The following CLN8 variants were observed in gnomAD, a reference collection of about 807,000 sequenced individuals.
The protein encoded by CLN8 is CLN8 transmembrane ER and ERGIC protein.
A neutral mutation model predicts 15.7 loss-of-function variants in CLN8; 14 were observed. The observed-to-expected ratio is 0.89, with a 90% CI of 0.59 to 1.39. The LOEUF (loss-of-function observed/expected upper bound fraction) is 1.39. Ranked by LOEUF, CLN8 falls within the 40% of genes most tolerant of loss-of-function variation. The probability of loss-of-function intolerance (pLI) is 0.00; values close to 1 mark genes in which losing one functional copy is unlikely to be tolerated. For synonymous variants in CLN8, 188 were observed against 151.0 expected, an observed-to-expected ratio of 1.25 and a Z score of -1.80; for missense variants, 415 against 364.0, an observed-to-expected ratio of 1.14 and a Z score of -1.14.
At chr8:1,773,379 T>C (rs111319364) in intron 2 of CLN8, among the ~76,000 whole-genome samples, 217 of 152,256 alleles carry the variant, frequency 1.4e-3, no homozygotes, top group African/African-American at 5.1e-3. Flanking sequence ...GTGCGTGGTT[T>C]GGGCGGTGGC....
intron 2 of CLN8, among the ~76,000 whole-genome samples, chr8:1,775,681 C>A (rs1045037999): frequency 1.3e-5 from 2 of 152,210 alleles, no homozygotes; most frequent in Admixed American, 1.3e-4. Flanking sequence ...AAAGACTGAG[C>A]TCGCGAGAGT....
upstream of CLN8, chr8:1,758,811 G>C (rs1311370512): frequency 6.6e-6 from 1 of 152,150 alleles, no homozygotes; most frequent in Non-Finnish European, 1.5e-5. Flanking sequence ...TTACGATAAA[G>C]GTTGTGGAGA....
rs888272793 is a variant in CLN8 at position 1,770,964 on chromosome 8, C to T, written c.-91C>T. The T allele has an allele frequency of 2.8e-5, 33 of 1,175,696 alleles. No homozygotes were observed. Among genetic ancestry groups the T allele is most frequent in the Admixed American group, 5.2e-5 (3 of 57,824 alleles). 72.8% of individuals were successfully genotyped at this position (1,175,696 alleles called of 1,614,324 possible). A position where few individuals can be genotyped will look rare whatever the true frequency, so the allele number is the denominator to read the frequency against. On this transcript the variant is annotated 5_prime_UTR_variant, in exon 2 of 3. Coordinates refer to ENST00000331222, the MANE Select transcript of CLN8 (RefSeq NM_018941.4). ...ATGGATACGTGACAATCCCAGGGAC[C>T]GCTGCACTGACTTCATTTCCTTAGA...
At position 1,781,237 on chromosome 8, in the gene CLN8, A is replaced by G. The variant is rs1313432167; in HGVS notation, c.*670A>G. 2.0e-5 allele frequency: 3 copies of G among 152,470 alleles called. No homozygotes were observed. The highest frequency in any genetic ancestry group is 7.3e-5 in the African/African-American group (3 of 41,376). 9.4% of individuals were successfully genotyped at this position (152,470 alleles called of 1,614,324 possible). On this transcript the variant is annotated 3_prime_UTR_variant, in exon 3 of 3. Transcript: ENST00000331222. Reference sequence around the variant, plus strand: ...GCCGGGTGTCGTGGCACACACCTGTAATCCCAGCTATTTGGGAGGCCAAGG... The same window carrying G: ...GCCGGGTGTCGTGGCACACACCTGTGATCCCAGCTATTTGGGAGGCCAAGG...
intron 1 of CLN8, among the ~76,000 whole-genome samples, chr8:1,756,706 G>C (rs922302780): frequency 6.8e-5 from 9 of 132,030 alleles, no homozygotes; most frequent in Non-Finnish European, 1.3e-4. Flanking sequence ...TTTTGAGACA[G>C]AGTTTTGTTC....
chr8:1,766,188 A>T (rs1185688161), intron 1 of CLN8, among the ~76,000 whole-genome samples: 1 of 152,186 alleles, frequency 6.6e-6, no homozygotes, highest in African/African-American at 2.4e-5. Flanking sequence ...ACAGAATCTT[A>T]TAAGACAAGC....
At chr8:1,763,157 C>G (rs1357390584), upstream of CLN8, 1 of 151,986 alleles carries the variant, frequency 6.6e-6, no homozygotes, top group Non-Finnish European at 1.5e-5. Context: ...GAGGCTCCGG[C>G]TCCGTCCACA....
At chr8:1,767,072 T>C (rs1801092598) in intron 1 of CLN8, among the ~76,000 whole-genome samples, 1 of 152,240 alleles carries the variant, frequency 6.6e-6, no homozygotes, top group African/African-American at 2.4e-5. Flanking sequence ...ATCCTGCCTC[T>C]GGGACTGGCC....
chr8:1,771,810 A>G (rs1801319264), intron 2 of CLN8, among the ~76,000 whole-genome samples: 1 of 151,996 alleles, frequency 6.6e-6, no homozygotes. Flanking sequence ...GCTGGAGGCA[A>G]TTTTCTTAAT....
At chr8:1,758,696 G>A (rs1800725923) in intron 1 of CLN8, 2 of 152,266 alleles carry the variant, frequency 1.3e-5, no homozygotes, top group African/African-American at 2.4e-5. Flanking sequence ...CAGGTGGAAG[G>A]TGTCCAGGTC....
At chr8:1,761,569 C>T (rs949965699), upstream of CLN8, among the ~76,000 whole-genome samples, 7 of 152,228 alleles carry the variant, frequency 4.6e-5, no homozygotes, top group African/African-American at 1.7e-4. Flanking sequence ...AAGTGATCCG[C>T]CTGCCTCGGC....
At chr8:1,767,094 TG>T (rs1801093806) in intron 1 of CLN8, among the ~76,000 whole-genome samples, 1 of 152,210 alleles carries the variant, frequency 6.6e-6, no homozygotes. Context: ...TCTACCCTCA[TG>T]GCTGAGAGAG....
intron 2 of CLN8, 21 bp from the exon 3 acceptor site, chr8:1,780,229 A>G (rs1801669219): frequency 1.2e-6 from 2 of 1,614,238 alleles, no homozygotes; most frequent in Non-Finnish European, 8.5e-7. Flanking sequence ...TGACTTGTGC[A>G]TTTGTCTTCT....
chr8:1,758,868 C>T (rs182250990), upstream of CLN8: 36 of 152,202 alleles, frequency 2.4e-4, no homozygotes, highest in Admixed American at 1.3e-3. Flanking sequence ...AAAAGAGGTG[C>T]CAGACTCTTA....
chr8:1,760,045 G>C (rs374116192), upstream of CLN8: 1 of 152,114 alleles, frequency 6.6e-6, no homozygotes, highest in African/African-American at 2.4e-5. Context: ...CAGAAAGTAA[G>C]ACAGTCCCCT....
rs964984529 is a variant in CLN8 at position 1,785,265 on chromosome 8, G to A, written c.*4698G>A. ...TGCTCTGTCCTACGGTGACACAGGCGGCGTGGGGTTAGACAGGTACCGGTC... is the reference window on the plus strand; with the variant it reads ...TGCTCTGTCCTACGGTGACACAGGCAGCGTGGGGTTAGACAGGTACCGGTC... On this transcript the variant is annotated 3_prime_UTR_variant, in exon 3 of 3. Transcript: ENST00000331222. 8 of 183,238 alleles carry A rather than the reference G, an allele frequency of 4.4e-5. No homozygotes were observed. The highest frequency in any genetic ancestry group is 2.5e-3 in the Middle Eastern group (1 of 398). The allele number at this position is 183,238 out of a possible 1,614,324, so 11.4% of individuals were successfully genotyped here. A position where few individuals can be genotyped will look rare whatever the true frequency, so the allele number is the denominator to read the frequency against.
At chr8:1,775,771 A>C (rs1053713704) in intron 2 of CLN8, among the ~76,000 whole-genome samples, 2 of 152,184 alleles carry the variant, frequency 1.3e-5, no homozygotes, top group Non-Finnish European at 2.9e-5. Flanking sequence ...TCTGATGTTC[A>C]GAACATCGAC....
At chr8:1,772,459 T>G (rs975052003) in intron 2 of CLN8, among the ~76,000 whole-genome samples, 1 of 152,128 alleles carries the variant, frequency 6.6e-6, no homozygotes, top group Admixed American at 6.5e-5. Context: ...TTAAACTCTT[T>G]AAACTTTTTT....
intron 1 of CLN8, among the ~76,000 whole-genome samples, chr8:1,756,483 CAA>C (rs60297248): frequency 2.1e-5 from 3 of 143,342 alleles, no homozygotes; most frequent in Admixed American, 1.4e-4. Flanking sequence ...GAATCCATCT[CAA>C]AAAAAAAAAA....
Sources: gnomAD v4.1 joint callset for allele counts (sites outside exome capture counted in the v4.1 genomes callset) on GRCh38, gnomAD v4.1.1 for gene constraint, MANE v1.5 for transcripts, NCBI Gene and HGNC (gene_info 2026-07-23, HGNC 2026-07-21) for gene names.